The following ADGRE3 variants were observed in gnomAD, a reference collection of about 807,000 sequenced individuals.
The protein encoded by ADGRE3 is EGF-like module receptor 3.
ADGRE3 carries 88 observed loss-of-function variants against 80.1 expected under a neutral mutation model. That is an observed-to-expected ratio of 1.10 (90% confidence interval 0.93 to 1.31). ADGRE3 has a LOEUF of 1.31. Among genes scored for constraint, ADGRE3 ranks in the 40% most tolerant of loss-of-function variants. The pLI is 0.00. For synonymous variants in ADGRE3, 281 were observed against 294.8 expected (o/e 0.95, Z 0.48); for missense variants, 715 against 776.5 (o/e 0.92, Z 0.94).
chr19:14,650,937 T>C, intron 7 of ADGRE3, 148 bp downstream of exon 7: 2 of 747,388 alleles, frequency 2.7e-6, no homozygotes, highest in Non-Finnish European at 3.9e-6. Context: ...GAAAATGTCT[T>C]TTTTTTTTTT....
At chr19:14,623,446 C>T (rs1041806355) in intron 15 of ADGRE3, among the ~76,000 whole-genome samples, 1 of 152,080 alleles carries the variant, frequency 6.6e-6, no homozygotes, top group Non-Finnish European at 1.5e-5. Context: ...AAATATGGAA[C>T]GAAATGTCAC....
chr19:14,614,131 G>A (rs1168976217), downstream of ADGRE3, among the ~76,000 whole-genome samples: 1 of 152,130 alleles, frequency 6.6e-6, no homozygotes, highest in Non-Finnish European at 1.5e-5. Flanking sequence ...CTGCCCTGAT[G>A]CATCACTACC....
chr19:14,631,493 C>G (rs1970880391), intron 13 of ADGRE3, among the ~76,000 whole-genome samples: 1 of 150,776 alleles, frequency 6.6e-6, no homozygotes, highest in African/African-American at 2.4e-5. Flanking sequence ...GTATTTATGG[C>G]ATATATACAC....
chr19:14,619,418 T>C lies in ADGRE3; in HGVS notation c.*15A>G, dbSNP rs764173430. 1 of 1,537,252 alleles carries C rather than the reference T, an allele frequency of 6.5e-7. No individual in the cohort carries two copies. The highest frequency in any genetic ancestry group is 9.0e-7 in the Non-Finnish European group (1 of 1,110,924). On this transcript the variant is annotated 3_prime_UTR_variant, in exon 16 of 16. Transcript: ENST00000253673. ...CATGGATATGATTTTCCATATGGAG[T>C]TGAATATTCTAGTTTTAATATTTTC...
the ADGRE3 span, among the ~76,000 whole-genome samples, chr19:14,605,330 A>C: frequency 1.3e-5 from 2 of 149,696 alleles, no homozygotes; most frequent in South Asian, 4.6e-4. Flanking sequence ...TCCTGACCTC[A>C]GGTGATCCAC....
chr19:14,657,186 C>T (rs543005721), intron 5 of ADGRE3, among the ~76,000 whole-genome samples: 65 of 152,246 alleles, frequency 4.3e-4, no homozygotes, highest in African/African-American at 1.5e-3. Context: ...CCGCCATGCC[C>T]GGCCTGATTA....
At chr19:14,659,093 T>C (rs1208762516) in intron 4 of ADGRE3, among the ~76,000 whole-genome samples, 1 of 151,526 alleles carries the variant, frequency 6.6e-6, no homozygotes, top group African/African-American at 2.4e-5. Flanking sequence ...TGGAGTGCAG[T>C]GGCACAATCT....
chr19:14,646,809 G>A (rs1404955019), intron 8 of ADGRE3, among the ~76,000 whole-genome samples: 1 of 149,010 alleles, frequency 6.7e-6, no homozygotes, highest in East Asian at 2.0e-4. Flanking sequence ...CTTGCTCTGT[G>A]CCCCAGGCTG....
intron 11 of ADGRE3, among the ~76,000 whole-genome samples, chr19:14,637,513 C>T (rs1392763893): frequency 6.6e-6 from 1 of 151,348 alleles, no homozygotes; most frequent in Non-Finnish European, 1.5e-5. Context: ...TCCATCTCAG[C>T]TTCTTGAGTA....
chr19:14,643,718 T>TC (rs1391217715), intron 9 of ADGRE3, among the ~76,000 whole-genome samples: 1 of 151,960 alleles, frequency 6.6e-6, no homozygotes, highest in African/African-American at 2.4e-5. Context: ...CATGTTGATT[T>TC]TTTTTTTTTT....
intron 13 of ADGRE3, among the ~76,000 whole-genome samples, chr19:14,631,893 A>G (rs939555348): frequency 1.3e-5 from 2 of 151,988 alleles, no homozygotes; most frequent in African/African-American, 2.4e-5. Context: ...AGGAAGAGGG[A>G]CAGCCATTTT....
intron 15 of ADGRE3, among the ~76,000 whole-genome samples, chr19:14,624,341 A>G (rs550810973): frequency 1.3e-5 from 2 of 152,014 alleles, no homozygotes; most frequent in African/African-American, 4.8e-5. Flanking sequence ...TGATCTGCCC[A>G]CCTCGGCCTC....
chr19:14,617,343 T>TCCC (rs527628863), downstream of ADGRE3, among the ~76,000 whole-genome samples: 1,453 of 71,390 alleles, frequency 0.02, 16 homozygotes, highest in Middle Eastern at 0.026. Flanking sequence ...CCTCCCTCCC[T>TCCC]TTCTTTCTTT....
downstream of ADGRE3, among the ~76,000 whole-genome samples, chr19:14,616,094 G>A (rs1224028405): frequency 6.6e-6 from 1 of 151,700 alleles, no homozygotes; most frequent in East Asian, 1.9e-4. Context: ...ACCACACCCG[G>A]CTAATTTTTG....
chr19:14,632,928 TCTGGATGGTTGACA>T lies in ADGRE3; in HGVS notation c.1622_1635del (p.Val541GlufsTer69), dbSNP rs1316632826. The T allele has an allele frequency of 3.1e-6, 5 of 1,608,178 alleles. No homozygotes were observed. The African/African-American group carries it at 5.3e-5, about 17-fold the overall frequency. On this transcript the variant is annotated frameshift_variant, in exon 13 of 16. Coordinates refer to ENST00000253673, the MANE Select transcript of ADGRE3 (RefSeq NM_032571.5). LOFTEE classifies it high-confidence loss of function. ...CCATTTGTCACATCCTACCTTGTGT[TCTGGATGGTTGACA>T]CTTCACTATTGAGGGAGGAAAGTTT...
At chr19:14,646,546 CTTT>C (rs199907123) in intron 8 of ADGRE3, among the ~76,000 whole-genome samples, 3 of 120,696 alleles carry the variant, frequency 2.5e-5, no homozygotes, top group African/African-American at 3.0e-5. Flanking sequence ...CTAGCTAATT[CTTT>C]TTTTTTTTTT....
chr19:14,633,005 A>G lies in ADGRE3; in HGVS notation c.1559T>C (p.Leu520Ser). Residue 520 changes from leucine (L) to serine (S), a missense_variant, in exon 13 of 16, where the codon TTA becomes TCA. By Grantham distance (145) the Leu-to-Ser change is moderately radical. Coordinates refer to ENST00000253673, the MANE Select transcript of ADGRE3 (RefSeq NM_032571.5). ...CCAAAAGACCAAGATAAACAATACT[A>G]AATTCGCCTGCAGGACCAACACAAA... Reference protein sequence around the residue: ...GPVCAIFSANLVLFILVFWIL... With the variant: ...GPVCAIFSANSVLFILVFWIL... 3.1e-6 allele frequency: 5 copies of G among 1,613,388 alleles called. No homozygotes were observed. The highest frequency in any genetic ancestry group is 4.2e-6 in the Non-Finnish European group (5 of 1,179,348).
chr19:14,667,304 G>T (rs1324534891), intron 2 of ADGRE3, among the ~76,000 whole-genome samples: 2 of 151,092 alleles, frequency 1.3e-5, no homozygotes, highest in Admixed American at 6.6e-5. Context: ...AATCTACCTT[G>T]CTCATGAATG....
At chr19:14,640,801 T>A (rs917292631) in intron 10 of ADGRE3, among the ~76,000 whole-genome samples, 4 of 152,158 alleles carry the variant, frequency 2.6e-5, no homozygotes, top group African/African-American at 9.7e-5. Context: ...GGAAATAAAT[T>A]TCACGAGATC....
Sources: gnomAD v4.1 joint callset for allele counts (sites outside exome capture counted in the v4.1 genomes callset) on GRCh38, gnomAD v4.1.1 for gene constraint, MANE v1.5 for transcripts, NCBI Gene and HGNC (gene_info 2026-07-23, HGNC 2026-07-21) for gene names.